The following TMEM145 variants were observed in gnomAD, a reference collection of about 807,000 sequenced individuals.
TMEM145 encodes the protein transmembrane protein 145.
A neutral mutation model predicts 68.5 loss-of-function variants in TMEM145; 46 were observed. The ratio of observed to expected loss-of-function variants is 0.67; its 90% CI spans 0.53 to 0.86. The LOEUF is 0.86. TMEM145 is among the 40% of genes least tolerant of loss of function. The pLI is 0.00. For synonymous variants in TMEM145, 255 were observed against 280.2 expected (o/e 0.91, Z 0.90); for missense variants, 570 against 645.8 (o/e 0.88, Z 1.27).
chr19:42,323,444 G>C, intron 13 of TMEM145, 139 bp from the exon 14 acceptor site: 1 of 775,674 alleles, frequency 1.3e-6, no homozygotes, highest in Non-Finnish European at 2.1e-6. Flanking sequence ...AGCCCAGAGG[G>C]GACGCCTAAT....
Position 42,313,343 on chromosome 19 carries a change from G to A in TMEM145, c.-34G>A, listed in dbSNP as rs1398295320. The A allele has an allele frequency of 5.6e-6, 5 of 897,774 alleles. No individual in the cohort carries two copies. The highest frequency in any genetic ancestry group is 3.5e-5 in the African/African-American group (2 of 56,718). 55.6% of individuals were successfully genotyped at this position (897,774 alleles called of 1,614,324 possible). The stretch of plus-strand genomic sequence containing the variant: ...CGCCTCCATTGCCGGGCCAGTGCGG[G>A]AGCCGGAGCGGAGCCGGGGCCGGAG... On this transcript the variant is annotated 5_prime_UTR_variant, in exon 1 of 15. Transcript: ENST00000301204. This position sits in a 1 kb window ranked among gnomAD's most constrained non-coding sequence, Gnocchi z 5.1.
At chr19:42,318,240 C>T (rs766714659) in intron 12 of TMEM145, among the ~76,000 whole-genome samples, 9 of 151,834 alleles carry the variant, frequency 5.9e-5, no homozygotes, top group Non-Finnish European at 1.3e-4. Flanking sequence ...TGGCAGCATG[C>T]ACCTGTAGTC....
At chr19:42,318,182 A>G (rs1236650222) in intron 12 of TMEM145, among the ~76,000 whole-genome samples, 1 of 151,566 alleles carries the variant, frequency 6.6e-6, no homozygotes, top group Non-Finnish European at 1.5e-5. Context: ...CCTGGCTAAC[A>G]TGGTGAAACC....
At chr19:42,322,969 G>A (rs2038925377) in intron 13 of TMEM145, among the ~76,000 whole-genome samples, 1 of 152,198 alleles carries the variant, frequency 6.6e-6, no homozygotes, top group Admixed American at 6.5e-5. Context: ...CCCAAGTGCT[G>A]GGATTACAGG....
chr19:42,314,448 C>T lies in TMEM145; in HGVS notation c.196-3C>T. The T allele has an allele frequency of 1.2e-6, 2 of 1,614,184 alleles. No homozygotes were observed. The highest frequency in any genetic ancestry group is 2.2e-5 in the South Asian group (2 of 91,084). ...CCCGGTCCCCAACATCTCTGGTCTG[C>T]AGGCCAAGTGCTGTCAGAACATCCT... On this transcript the variant is annotated splice_polypyrimidine_tract_variant and splice_region_variant and intron_variant, in intron 2 of 14. Transcript: ENST00000301204.
chr19:42,323,881 C>T (rs1454561594), intron 14 of TMEM145, 92 bp downstream of exon 14: 2 of 1,186,064 alleles, frequency 1.7e-6, no homozygotes, highest in Non-Finnish European at 2.4e-6. Flanking sequence ...CCCCCAGCGC[C>T]CGGACCCCTG....
chr19:42,323,830 C>G, intron 14 of TMEM145, 41 bp downstream of exon 14: 1 of 1,592,920 alleles, frequency 6.3e-7, no homozygotes. Context: ...CTGCTGGCGC[C>G]GCCCCTGGAG....
intron 13 of TMEM145, among the ~76,000 whole-genome samples, chr19:42,322,528 G>C (rs190958049): frequency 6.6e-6 from 1 of 151,994 alleles, no homozygotes; most frequent in East Asian, 1.9e-4. Flanking sequence ...GTATCTCAAC[G>C]CTCATTGCTT....
chr19:42,317,084 C>T (rs2038866944), intron 11 of TMEM145, 121 bp downstream of exon 11: 2 of 803,594 alleles, frequency 2.5e-6, no homozygotes, highest in African/African-American at 3.4e-5. Context: ...CTCTCTCCCA[C>T]TCTTCGATTT....
At chr19:42,324,361 A>C (rs1369876840) in intron 14 of TMEM145, 12 of 984,022 alleles carry the variant, frequency 1.2e-5, no homozygotes, top group Non-Finnish European at 1.4e-5. Flanking sequence ...AGCCGGGCGC[A>C]GCCTCCCCCC....
chr19:42,321,198 G>T, intron 13 of TMEM145: 1 of 398,050 alleles, frequency 2.5e-6, no homozygotes, highest in African/African-American at 2.1e-5. Context: ...GGGCTCCTGG[G>T]TCGGCAACAG....
At chr19:42,316,407 G>A (rs2038857938) in intron 8 of TMEM145, 74 bp from the exon 9 acceptor site, 8 of 1,415,068 alleles carry the variant, frequency 5.7e-6, no homozygotes, top group Non-Finnish European at 8.0e-6. Context: ...AGACTGCCTG[G>A]ATGGTAGTGC....
chr19:42,313,539 G>C lies in TMEM145; in HGVS notation c.120+43G>C. 1 of 1,246,058 alleles carries C rather than the reference G, an allele frequency of 8.0e-7. No homozygotes were observed. Among genetic ancestry groups the C allele is most frequent in the Non-Finnish European group, 1.0e-6 (1 of 987,692 alleles). The allele number at this position is 1,246,058 out of a possible 1,614,324, so 77.2% of individuals were successfully genotyped here. On this transcript the variant is annotated intron_variant, in intron 1 of 14. Transcript: ENST00000301204. This position sits in a 1 kb window ranked among gnomAD's most constrained non-coding sequence, Gnocchi z 5.1. ...TCCTCTGCGGCCCGCCGGCCCCCGG[G>C]GGACGCAAGGGAGGCGAGGGGAGCG...
chr19:42,316,919 C>T lies in TMEM145; in HGVS notation c.856C>T (p.Leu286=). ...CGTGAAGTTGTCTGTCTACATGACC[C>T]TGTACACGCTCACCCATGTGGTGCT... ...GSVKLSVYMT[L]YTLTHVVLLI... is the part of the protein sequence containing the mutation. Residue 286 remains leucine (L), a synonymous_variant, in exon 11 of 15, where the codon CTG becomes TTG. Coordinates refer to ENST00000301204, the MANE Select transcript of TMEM145 (RefSeq NM_173633.3). The T allele has an allele frequency of 6.2e-7, 1 of 1,613,824 alleles. No individual in the cohort carries two copies. The highest frequency in any genetic ancestry group is 8.5e-7 in the Non-Finnish European group (1 of 1,179,962).
In TMEM145 at chr19:42,313,531, G is replaced by C; in HGVS notation, c.120+35G>C. The stretch of plus-strand genomic sequence containing the variant: ...CCGAGCCCTCCTCTGCGGCCCGCCG[G>C]CCCCCGGGGGACGCAAGGGAGGCGA... On this transcript the variant is annotated intron_variant, in intron 1 of 14. Coordinates refer to ENST00000301204, the MANE Select transcript of TMEM145 (RefSeq NM_173633.3). The surrounding 1 kb of genome is among the most constrained non-coding windows in gnomAD (Gnocchi z 5.1). The C allele has an allele frequency of 8.0e-7, 1 of 1,253,326 alleles. No individual in the cohort carries two copies. The allele number at this position is 1,253,326 out of a possible 1,614,324, so 77.6% of individuals were successfully genotyped here.
At chr19:42,320,133 C>T (rs1198080963) in intron 12 of TMEM145, among the ~76,000 whole-genome samples, 184 bp from the exon 13 acceptor site, 1 of 152,168 alleles carries the variant, frequency 6.6e-6, no homozygotes, top group African/African-American at 2.4e-5. Context: ...TCCTTCTTGC[C>T]CCTCAGAATT....
Position 42,314,529 on chromosome 19 carries a change from G to C in TMEM145, c.273+1G>C, listed in dbSNP as rs775984207. On this transcript the variant is annotated splice_donor_variant, in intron 3 of 14. Coordinates refer to ENST00000301204, the MANE Select transcript of TMEM145 (RefSeq NM_173633.3). LOFTEE classifies it high-confidence loss of function. ...AGCCGTGTACAAGGCAGGGGACAAG[G>C]TGAGGGCTGTGAAGAGGGCATAGGG... The C allele has an allele frequency of 6.2e-7, 1 of 1,614,194 alleles. No individual in the cohort carries two copies. The highest frequency in any genetic ancestry group is 1.1e-5 in the South Asian group (1 of 91,084).
Position 42,323,772 on chromosome 19 carries a change from C to T in TMEM145, c.1384C>T (p.Pro462Ser). The change falls in exon 14 of 15, where the codon CCC becomes TCC. Residue 462 changes from proline (P) to serine (S), a missense_variant. Physicochemically the swap from Pro to Ser is moderately conservative, Grantham distance 74 (BLOSUM62 -1). Transcript: ENST00000301204. The stretch of plus-strand genomic sequence containing the variant: ...CAACTTCACGGAGCTCTTCTCCATC[C>T]CCCCGCCCGCCACCTCCGTAAGCCC... The part of the protein sequence containing the change: ...VPNFTELFSI[P>S]PPATSPLPRA... 2 of 1,613,986 alleles carry T rather than the reference C, an allele frequency of 1.2e-6. No individual in the cohort carries two copies. Among genetic ancestry groups the T allele is most frequent in the Non-Finnish European group, 1.7e-6 (2 of 1,179,938 alleles).
At chr19:42,320,227 C>A in intron 12 of TMEM145, 90 bp from the exon 13 acceptor site, 1 of 1,558,156 alleles carries the variant, frequency 6.4e-7, no homozygotes, top group South Asian at 1.1e-5. Context: ...TGCCTGGGGT[C>A]TGCGTGTGTA....
Sources: gnomAD v4.1 joint callset for allele counts (sites outside exome capture counted in the v4.1 genomes callset) on GRCh38, gnomAD v4.1.1 for gene constraint, Gnocchi (gnomAD v3.1) non-coding constraint, MANE v1.5 for transcripts, NCBI Gene and HGNC (gene_info 2026-07-23, HGNC 2026-07-21) for gene names.